The following DNM2 variants were observed in gnomAD, a reference collection of about 807,000 sequenced individuals.
The protein encoded by DNM2 is dynamin 2.
A neutral mutation model predicts 99.0 loss-of-function variants in DNM2; 15 were observed. The observed-to-expected ratio is 0.15, with a 90% confidence interval of 0.10 to 0.23. The LOEUF is 0.23. Among genes scored for constraint, DNM2 ranks in the 10% least tolerant of loss-of-function variants. DNM2 has a pLI of 1.00. For missense variants in DNM2, 742 were observed against 1,189.4 expected (o/e 0.62, Z 5.53); for synonymous variants, 525 against 481.2 (o/e 1.09, Z -1.19).
At chr19:10,733,145 A>G (rs1450653927) in intron 1 of DNM2, among the ~76,000 whole-genome samples, 1 of 150,276 alleles carries the variant, frequency 6.7e-6, no homozygotes, top group Non-Finnish European at 1.5e-5. Flanking sequence ...CGGCCTCCCA[A>G]AGTGCTGGGA....
intron 1 of DNM2, among the ~76,000 whole-genome samples, chr19:10,720,221 T>TA (rs930177640): frequency 4.6e-5 from 7 of 150,538 alleles, no homozygotes; most frequent in African/African-American, 1.2e-4. Context: ...TATTTATTTT[T>TA]TTTTTTTTTG....
chr19:10,790,142 C>A (rs143201247), intron 7 of DNM2, among the ~76,000 whole-genome samples: 1 of 152,222 alleles, frequency 6.6e-6, no homozygotes, highest in Non-Finnish European at 1.5e-5. Context: ...TACAAGAGAA[C>A]GGGAATTACG....
rs1164795621 is a variant in DNM2 at position 10,817,489 on chromosome 19, G to A, written c.1672-2491G>A. ...CTCCTGAACAGGTAGTCTGAACACT[G>A]GGTTGGCGGGGCCGGCTATCCATCC... is the stretch of plus-strand genomic sequence containing the variant. On this transcript the variant is annotated intron_variant, in intron 15 of 20. Coordinates refer to ENST00000389253, the MANE Select transcript of DNM2 (RefSeq NM_001005361.3). The surrounding 1 kb of genome is among the most constrained non-coding windows in gnomAD (Gnocchi z 4.6). 2.1e-6 allele frequency: 1 copy of A among 465,960 alleles called. No homozygotes were observed. The highest frequency in any genetic ancestry group is 1.6e-5 in the South Asian group (1 of 63,788). The allele number at this position is 465,960 out of a possible 1,614,324, so 28.9% of individuals were successfully genotyped here.
In DNM2 at chr19:10,817,837, G is replaced by A. The variant is rs114385953; in HGVS notation, c.1672-2143G>A. Among the ~76,000 whole-genome samples the A allele has an allele frequency of 2.4e-3, 365 of 151,114 alleles. 3 individuals are homozygous for A. Among genetic ancestry groups the A allele is most frequent in the African/African-American group, 8.3e-3 (344 of 41,222 alleles). On this transcript the variant is annotated intron_variant, in intron 15 of 20. Transcript: ENST00000389253. The surrounding 1 kb of genome is among the most constrained non-coding windows in gnomAD (Gnocchi z 4.6). ...TGTGTGCGCGCGCGCGCACGCGTGC[G>A]TGCCGGCAGCACCAGGAAGGCGGCC...
intron 1 of DNM2, among the ~76,000 whole-genome samples, chr19:10,731,319 A>ACACT (rs1179085889): frequency 1.3e-5 from 2 of 150,964 alleles, no homozygotes; most frequent in African/African-American, 2.4e-5. Flanking sequence ...AGCCACCAGG[A>ACACT]CACTGCCTTT....
intron 7 of DNM2, among the ~76,000 whole-genome samples, chr19:10,787,442 G>C (rs1251465851): frequency 1.3e-5 from 2 of 150,992 alleles, no homozygotes; most frequent in African/African-American, 4.9e-5. Context: ...CTTCACTCCA[G>C]CCTGGGCATC....
chr19:10,732,507 A>G (rs187805350), intron 1 of DNM2, among the ~76,000 whole-genome samples: 7,261 of 151,550 alleles, frequency 0.048, 205 homozygotes, highest in South Asian at 0.098. Context: ...GGCTGAGGCA[A>G]GAGAATGGTG....
intron 10 of DNM2, 100 bp downstream of exon 10, chr19:10,797,618 C>A (rs1300328741): frequency 2.6e-6 from 4 of 1,561,474 alleles, no homozygotes; most frequent in African/African-American, 2.7e-5. Flanking sequence ...CGGCAGGAAC[C>A]CCCTTCCGCC....
intron 12 of DNM2, chr19:10,802,748 T>C (rs375532358): frequency 1.1e-4 from 38 of 338,196 alleles, no homozygotes; most frequent in African/African-American, 7.8e-4. Context: ...GGCTCAGGGC[T>C]CCGGAAGCTG....
chr19:10,801,388 G>A (rs1369454328), intron 11 of DNM2, among the ~76,000 whole-genome samples: 1 of 152,112 alleles, frequency 6.6e-6, no homozygotes, highest in Non-Finnish European at 1.5e-5. Flanking sequence ...GGGAGGCCAA[G>A]GTAGGAGGAT....
chr19:10,795,239 TA>T lies in DNM2; in HGVS notation c.1129-129del, dbSNP rs1278039834. 2.3e-6 allele frequency: 2 copies of T among 864,898 alleles called. No individual in the cohort carries two copies. The highest frequency in any genetic ancestry group is 3.3e-5 in the African/African-American group (2 of 60,112). The allele number at this position is 864,898 out of a possible 1,614,324, so 53.6% of individuals were successfully genotyped here. ...TCTGGCCAGTTTTCAATTTTTTAAA[TA>T]AAATTTTGACGAGTTAAATATTCTG... On this transcript the variant is annotated intron_variant, in intron 8 of 20. Transcript: ENST00000389253. This position sits in a 1 kb window ranked among gnomAD's most constrained non-coding sequence, Gnocchi z 4.2.
chr19:10,750,598 C>G (rs2070157937), intron 1 of DNM2, among the ~76,000 whole-genome samples: 1 of 152,124 alleles, frequency 6.6e-6, no homozygotes, highest in Non-Finnish European at 1.5e-5. Context: ...TGTGATTGTG[C>G]TGCTGATGCA....
At chr19:10,803,936 G>T (rs2072246137) in intron 12 of DNM2, among the ~76,000 whole-genome samples, 1 of 152,178 alleles carries the variant, frequency 6.6e-6, no homozygotes, top group Non-Finnish European at 1.5e-5. Context: ...AGAGGGTAGG[G>T]GATAGACTAT....
chr19:10,729,208 G>A, intron 1 of DNM2, among the ~76,000 whole-genome samples: 1 of 138,854 alleles, frequency 7.2e-6, no homozygotes, highest in African/African-American at 2.7e-5. Flanking sequence ...AATTAGCCAA[G>A]CATGGTGGCG....
intron 1 of DNM2, among the ~76,000 whole-genome samples, chr19:10,734,040 A>G (rs2069433298): frequency 1.3e-5 from 2 of 151,740 alleles, no homozygotes; most frequent in Non-Finnish European, 2.9e-5. Context: ...AATGAATGAA[A>G]TTAACCTTGG....
chr19:10,757,968 AAAAG>A (rs985873336), intron 1 of DNM2, among the ~76,000 whole-genome samples: 6 of 151,910 alleles, frequency 3.9e-5, no homozygotes, highest in South Asian at 4.1e-4. Context: ...AAAAAAAAGA[AAAAG>A]AAATTCCCTG....
At chr19:10,806,950 T>G (rs2072357903) in intron 13 of DNM2, among the ~76,000 whole-genome samples, 1 of 152,046 alleles carries the variant, frequency 6.6e-6, no homozygotes, top group African/African-American at 2.4e-5. Context: ...GAGCTTGGGA[T>G]AGTTGAAGCC....
intron 2 of DNM2, among the ~76,000 whole-genome samples, chr19:10,763,971 C>T (rs1278833502): frequency 6.6e-6 from 1 of 151,706 alleles, no homozygotes; most frequent in African/African-American, 2.4e-5. Context: ...GACTGTCTTC[C>T]AGGCAAGGCA....
chr19:10,736,915 G>C (rs1298736266), intron 1 of DNM2, among the ~76,000 whole-genome samples: 3 of 152,154 alleles, frequency 2.0e-5, no homozygotes, highest in African/African-American at 4.8e-5. Context: ...GGGAGGCCGA[G>C]GTGGAAGGAT....
Sources: allele counts gnomAD v4.1 joint callset (sites outside exome capture counted in the v4.1 genomes callset), GRCh38; gene constraint gnomAD v4.1.1; non-coding constraint Gnocchi (gnomAD v3.1); transcripts MANE v1.5; gene names NCBI Gene and HGNC (gene_info 2026-07-23, HGNC 2026-07-21).